Variants in OPRD1 observed in about 807,000 individuals in gnomAD.
OPRD1 encodes delta-type opioid receptor.
In OPRD1, 19 loss-of-function variants were observed where a neutral mutation model predicts 17.5. The observed-to-expected ratio is 1.09, with a 90% CI of 0.76 to 1.60. The LOEUF is 1.60. OPRD1 is among the 40% of genes most tolerant of loss of function. The pLI, the probability that OPRD1 is intolerant of heterozygous loss-of-function variation, is 0.00. For synonymous variants in OPRD1, 256 were observed against 240.9 expected (o/e 1.06, Z -0.58); for missense variants, 483 against 547.2 (o/e 0.88, Z 1.17).
At position 28,862,872 on chromosome 1, in the gene OPRD1, G is replaced by T; in HGVS notation, c.708G>T (p.Met236Ile). 1 of 1,612,520 alleles carries T rather than the reference G, an allele frequency of 6.2e-7. No homozygotes were observed. Among genetic ancestry groups the T allele is most frequent in the Non-Finnish European group, 8.5e-7 (1 of 1,180,008 alleles). The stretch of plus-strand genomic sequence containing the variant: ...TCATCACCGTGTGCTATGGCCTCAT[G>T]CTGCTGCGCCTGCGCAGTGTGCGCC... ...ILIITVCYGL[M>I]LLRLRSVRLL... Residue 236 changes from methionine (M) to isoleucine (I), a missense_variant, in exon 3 of 3, where the codon ATG (methionine) becomes ATT (isoleucine). Met to Ile is a conservative substitution (Grantham distance 10). Coordinates refer to ENST00000234961, the MANE Select transcript of OPRD1 (RefSeq NM_000911.4).
At chr1:28,815,487 T>G (rs988965550) in intron 1 of OPRD1, among the ~76,000 whole-genome samples, 10 of 152,250 alleles carry the variant, frequency 6.6e-5, no homozygotes, top group Admixed American at 6.5e-4. Context: ...CTGTGCATTT[T>G]AGGCTGCTGT....
At chr1:28,814,146 A>G (rs111835690) in intron 1 of OPRD1, among the ~76,000 whole-genome samples, 7,545 of 151,058 alleles carry the variant, frequency 0.05, 224 homozygotes, top group Middle Eastern at 0.1. Flanking sequence ...ACTGATCTTT[A>G]CTTTGTGTCT....
chr1:28,838,491 A>T (rs1306300223), intron 1 of OPRD1, among the ~76,000 whole-genome samples: 1 of 152,050 alleles, frequency 6.6e-6, no homozygotes, highest in Non-Finnish European at 1.5e-5. Context: ...ACCCATTGTT[A>T]CCCATCAGAG....
intron 1 of OPRD1, among the ~76,000 whole-genome samples, chr1:28,840,370 C>T (rs1370244177): frequency 3.9e-5 from 6 of 152,174 alleles, no homozygotes; most frequent in African/African-American, 1.4e-4. Context: ...CCTCCCACCT[C>T]AGCCTCCCGA....
rs2089197820 is a variant in OPRD1, at chr1:28,869,167, A to G, written c.*5884A>G. ...CACATACAGATGCCTCTCTTTCATCATGTATTTATTCCTTTATTTCTGGGA... is the reference window on the plus strand; with the variant it reads ...CACATACAGATGCCTCTCTTTCATCGTGTATTTATTCCTTTATTTCTGGGA... On this transcript the variant is annotated 3_prime_UTR_variant, in exon 3 of 3. Coordinates refer to ENST00000234961, the MANE Select transcript of OPRD1 (RefSeq NM_000911.4). 1 of 152,216 alleles carries G rather than the reference A, an allele frequency of 6.6e-6. No homozygotes were observed. The highest frequency in any genetic ancestry group is 2.1e-4 in the South Asian group (1 of 4,814). 9.4% of individuals were successfully genotyped at this position (152,216 alleles called of 1,614,324 possible). A position where few individuals can be genotyped will look rare whatever the true frequency, so the allele number is the denominator to read the frequency against.
At chr1:28,852,164 TAAAAAA>T (rs71030305) in intron 1 of OPRD1, among the ~76,000 whole-genome samples, 2 of 86,752 alleles carry the variant, frequency 2.3e-5, no homozygotes, top group East Asian at 7.0e-4. Context: ...AAACTCCATG[TAAAAAA>T]AAAAAAAAAA....
At chr1:28,814,326 T>C (rs1482921409) in intron 1 of OPRD1, among the ~76,000 whole-genome samples, 4 of 152,174 alleles carry the variant, frequency 2.6e-5, no homozygotes, top group South Asian at 4.1e-4. Context: ...CACAGGGTTG[T>C]TGTGAGGTGT....
In OPRD1 at chr1:28,862,864, G is replaced by T; in HGVS notation, c.700G>T (p.Gly234Cys). Reference sequence around the variant, plus strand: ...CATCCTCATCATCACCGTGTGCTATGGCCTCATGCTGCTGCGCCTGCGCAG... The same window carrying T: ...CATCCTCATCATCACCGTGTGCTATTGCCTCATGCTGCTGCGCCTGCGCAG... Reference protein sequence around the residue: ...VPILIITVCYGLMLLRLRSVR... With the variant: ...VPILIITVCYCLMLLRLRSVR... The change falls in exon 3 of 3, where the codon GGC (glycine) becomes TGC (cysteine). Residue 234 changes from glycine to cysteine, a missense_variant. Gly to Cys is a radical substitution (Grantham distance 159, BLOSUM62 -3). Transcript: ENST00000234961. 6.2e-7 allele frequency: 1 copy of T among 1,612,710 alleles called. No individual in the cohort carries two copies. Among genetic ancestry groups the T allele is most frequent in the Non-Finnish European group, 8.5e-7 (1 of 1,180,012 alleles).
rs934124870 is a variant in OPRD1, at chr1:28,812,312, G to A, written c.-72G>A. On this transcript the variant is annotated 5_prime_UTR_variant, in exon 1 of 3. Transcript: ENST00000234961. ...TCGGGGCCGCGGCCTCTGCCTTGCCGCTCCCCTCGCGTCGGATCCCCGCGC... is the reference window on the plus strand; with the variant it reads ...TCGGGGCCGCGGCCTCTGCCTTGCCACTCCCCTCGCGTCGGATCCCCGCGC... The A allele has an allele frequency of 2.0e-4, 224 of 1,101,962 alleles. 1 individual carries two copies. In the Middle Eastern group the frequency reaches 2.1e-3, roughly 10 times the overall value. 68.3% of individuals were successfully genotyped at this position (1,101,962 alleles called of 1,614,324 possible). A position where few individuals can be genotyped will look rare whatever the true frequency, so the allele number is the denominator to read the frequency against.
rs1049511839 is a variant in OPRD1 at position 28,863,334 on chromosome 1, A to G, written c.*51A>G. The G allele has an allele frequency of 1.2e-5, 17 of 1,399,376 alleles. No homozygotes were observed. The African/African-American group carries it at 2.6e-4, about 21-fold the overall frequency. 86.7% of individuals were successfully genotyped at this position (1,399,376 alleles called of 1,614,324 possible). A position where few individuals can be genotyped will look rare whatever the true frequency, so the allele number is the denominator to read the frequency against. ...CCCTCCCTAGTGACCCGGAGGCCAC[A>G]TGAGTCCCAGTGGGAGGCGCGAGCC... On this transcript the variant is annotated 3_prime_UTR_variant, in exon 3 of 3. Coordinates refer to ENST00000234961, the MANE Select transcript of OPRD1 (RefSeq NM_000911.4).
At chr1:28,849,875 CTTTTTTTT>C (rs34907861) in intron 1 of OPRD1, among the ~76,000 whole-genome samples, 1 of 118,100 alleles carries the variant, frequency 8.5e-6, no homozygotes, top group Admixed American at 9.2e-5. Flanking sequence ...GAGAGTCAAA[CTTTTTTTT>C]TTTTTTTTTT....
chr1:28,863,005 G>A lies in OPRD1; in HGVS notation c.841G>A (p.Val281Ile), dbSNP rs1160699595. 6.2e-7 allele frequency: 1 copy of A among 1,609,814 alleles called. No homozygotes were observed. Residue 281 changes from valine to isoleucine, a missense_variant, in exon 3 of 3, where the codon GTC (valine) becomes ATC (isoleucine). Coordinates refer to ENST00000234961, the MANE Select transcript of OPRD1 (RefSeq NM_000911.4). ...GTGTTGGGCGCCCATCCACATCTTC[G>A]TCATCGTCTGGACGCTGGTGGACAT... Reference protein sequence around the residue: ...VVCWAPIHIFVIVWTLVDIDR... With the variant: ...VVCWAPIHIFIIVWTLVDIDR...
chr1:28,815,707 G>A (rs957139573), intron 1 of OPRD1, among the ~76,000 whole-genome samples: 2 of 152,222 alleles, frequency 1.3e-5, no homozygotes, highest in African/African-American at 4.8e-5. Flanking sequence ...TTTCCTGGCA[G>A]CCCAAGCAGG....
Position 28,863,531 on chromosome 1 carries a change from G to C in OPRD1, c.*248G>C, listed in dbSNP as rs2089146334. 1 of 437,702 alleles carries C rather than the reference G, an allele frequency of 2.3e-6. No homozygotes were observed. Among genetic ancestry groups the C allele is most frequent in the Non-Finnish European group, 3.9e-6 (1 of 253,176 alleles). 27.1% of individuals were successfully genotyped at this position (437,702 alleles called of 1,614,324 possible). On this transcript the variant is annotated 3_prime_UTR_variant, in exon 3 of 3. Transcript: ENST00000234961. ...CTCTGGTCTGGGTGCCCCGTCCACG[G>C]CTCTAGGTGGGGCGGGAAAGCCAGT... is the stretch of plus-strand genomic sequence containing the variant.
At chr1:28,835,675 C>T (rs1024271326) in intron 1 of OPRD1, among the ~76,000 whole-genome samples, 13 of 152,228 alleles carry the variant, frequency 8.5e-5, no homozygotes, top group African/African-American at 3.1e-4. Flanking sequence ...TTTGTTCCCC[C>T]ACAGTGGGCA....
chr1:28,827,160 G>T (rs2088774833), intron 1 of OPRD1, among the ~76,000 whole-genome samples: 1 of 152,168 alleles, frequency 6.6e-6, no homozygotes, highest in Admixed American at 6.5e-5. Flanking sequence ...GCTGGGCGTG[G>T]TGGTGTGCGC....
chr1:28,851,353 G>T (rs891936782), intron 1 of OPRD1, among the ~76,000 whole-genome samples: 20 of 152,178 alleles, frequency 1.3e-4, no homozygotes, highest in African/African-American at 4.6e-4. Context: ...TCCAGTCAAA[G>T]AAATCAGAAA....
At position 28,869,756 on chromosome 1, in the gene OPRD1, C is replaced by G. The variant is rs1057432856; in HGVS notation, c.*6473C>G. On this transcript the variant is annotated 3_prime_UTR_variant, in exon 3 of 3. Coordinates refer to ENST00000234961, the MANE Select transcript of OPRD1 (RefSeq NM_000911.4). ...GTATACCGAGGGTCCTCAGGAGACT[C>G]TCACATCCAGCTCACAGTCACAGGC... is the stretch of plus-strand genomic sequence containing the variant. 1 of 152,200 alleles carries G rather than the reference C, an allele frequency of 6.6e-6. No homozygotes were observed. Among genetic ancestry groups the G allele is most frequent in the African/African-American group, 2.4e-5 (1 of 41,420 alleles). 9.4% of individuals were successfully genotyped at this position (152,200 alleles called of 1,614,324 possible).
rs571383780 is a variant in OPRD1 at position 28,863,127 on chromosome 1, C to G, written c.963C>G (p.Leu321=). The change falls in exon 3 of 3, where the codon CTC becomes CTG. Residue 321 remains leucine, a synonymous_variant. Coordinates refer to ENST00000234961, the MANE Select transcript of OPRD1 (RefSeq NM_000911.4). The stretch of plus-strand genomic sequence containing the variant: ...TCAACCCCGTGCTCTACGCTTTCCT[C>G]GACGAGAACTTCAAGCGCTGCTTCC... ...SSLNPVLYAF[L]DENFKRCFRQ... 1.9e-6 allele frequency: 3 copies of G among 1,609,772 alleles called. No homozygotes were observed. The East Asian group carries it at 6.7e-5, about 36-fold the overall frequency.
Sources: allele counts gnomAD v4.1 joint callset (sites outside exome capture counted in the v4.1 genomes callset), GRCh38; gene constraint gnomAD v4.1.1; transcripts MANE v1.5; gene names NCBI Gene and HGNC (gene_info 2026-07-23, HGNC 2026-07-21).